Variants in MED30 observed in about 807,000 individuals in gnomAD.
The protein encoded by MED30 is mediator complex subunit 30, also known as mediator of RNA polymerase II transcription subunit 30.
MED30 carries 8 observed loss-of-function variants against 21.7 expected under a neutral mutation model. That is an observed-to-expected ratio of 0.37 (90% CI 0.22 to 0.67). The LOEUF is 0.67. Among genes scored for constraint, MED30 ranks in the 30% least tolerant of loss-of-function variants. The pLI is 0.58. For synonymous variants in MED30, 79 were observed against 86.7 expected (o/e 0.91, Z 0.49); for missense variants, 203 against 228.2 (o/e 0.89, Z 0.71).
At position 117,524,937 on chromosome 8, in the gene MED30, G is replaced by A. The variant is rs571058558; in HGVS notation, c.178-3714G>A. 8.9e-4 allele frequency among the ~76,000 whole-genome samples: 136 copies of A among 152,074 alleles called. 1 individual carries two copies. Among genetic ancestry groups the A allele is most frequent in the South Asian group, 6.6e-3 (32 of 4,820 alleles). The stretch of plus-strand genomic sequence containing the variant: ...AAAATACTCCCTTATCCTTTTTATA[G>A]TGTATAGTTTACACTGCATGGAAAT... On this transcript the variant is annotated intron_variant, in intron 1 of 3. Coordinates refer to ENST00000297347, the MANE Select transcript of MED30 (RefSeq NM_080651.4).
Position 117,521,134 on chromosome 8 carries a change from T to TGG in MED30, c.177+82_177+83dup, listed in dbSNP as rs1265092050. The TGG allele has an allele frequency of 1.9e-5, 26 of 1,376,876 alleles. No homozygotes were observed. In the East Asian group the frequency reaches 6.1e-4, roughly 32 times the overall value. The allele number at this position is 1,376,876 out of a possible 1,614,324, so 85.3% of individuals were successfully genotyped here. On this transcript the variant is annotated intron_variant, in intron 1 of 3. Coordinates refer to ENST00000297347, the MANE Select transcript of MED30 (RefSeq NM_080651.4). ...TGGTTTCCTCTTTACGTGGGGCCCG[T>TGG]GGATGTCATCGGGGCTGCCCTGGGC...
rs1818953960 is a variant in MED30, at chr8:117,540,085, AAAACT to A, written c.*111_*115del. Reference sequence around the variant, plus strand: ...TTTATCTGCTTTTATTTTAGTCACTAAAACTAAAGTTTTTATTTTTACATTGTGAT... The same window carrying A: ...TTTATCTGCTTTTATTTTAGTCACTAAAAGTTTTTATTTTTACATTGTGAT... On this transcript the variant is annotated 3_prime_UTR_variant, in exon 4 of 4. Transcript: ENST00000297347. The A allele has an allele frequency of 1.3e-5, 7 of 541,184 alleles. No individual in the cohort carries two copies. Among genetic ancestry groups the A allele is most frequent in the South Asian group, 1.3e-4 (4 of 31,412 alleles). The allele number at this position is 541,184 out of a possible 1,614,324, so 33.5% of individuals were successfully genotyped here. A position where few individuals can be genotyped will look rare whatever the true frequency, so the allele number is the denominator to read the frequency against.
At chr8:117,523,195 CT>C (rs202104794) in intron 1 of MED30, 177,915 of 566,450 alleles carry the variant, frequency 0.31, 13,372 homozygotes, top group Middle Eastern at 0.4. Flanking sequence ...TCAAAGCCAA[CT>C]TTTTTTTTTT....
intron 3 of MED30, among the ~76,000 whole-genome samples, chr8:117,534,245 T>C (rs927283148): frequency 1.3e-5 from 2 of 152,080 alleles, no homozygotes; most frequent in African/African-American, 4.8e-5. Context: ...TCTTTACTTT[T>C]CATCTGAAAA....
intron 3 of MED30, among the ~76,000 whole-genome samples, chr8:117,534,850 G>GTTTTTTTTTTTT (rs3040827): frequency 3.3e-5 from 4 of 121,042 alleles, no homozygotes; most frequent in Admixed American, 1.8e-4. Context: ...CAAACAAATT[G>GTTTTTTTTTTTT]TTTTTTTTTT....
intron 2 of MED30, 53 bp from the exon 3 acceptor site, chr8:117,530,670 T>C: frequency 1.6e-6 from 2 of 1,285,482 alleles, no homozygotes; most frequent in Non-Finnish European, 2.2e-6. Flanking sequence ...ATACAAGTGA[T>C]TAGAAAACTT....
chr8:117,530,814 C>T lies in MED30; in HGVS notation c.428C>T (p.Ala143Val), dbSNP rs1818783350. The change falls in exon 3 of 4, where the codon GCT becomes GTT. Residue 143 changes from alanine to valine, a missense_variant. Transcript: ENST00000297347. The stretch of plus-strand genomic sequence containing the variant: ...GCTAGTGAAGAGAGGCGAGAAATTG[C>T]TGAAGTAAATAAAGTGAGTTGTTAG... ...RFASEERREI[A>V]EVNKKLKQKN... 2 of 1,607,636 alleles carry T rather than the reference C, an allele frequency of 1.2e-6. No homozygotes were observed. The highest frequency in any genetic ancestry group is 1.7e-6 in the Non-Finnish European group (2 of 1,175,926).
At chr8:117,535,979 G>A (rs1473659586) in intron 3 of MED30, among the ~76,000 whole-genome samples, 1 of 151,794 alleles carries the variant, frequency 6.6e-6, no homozygotes, top group Non-Finnish European at 1.5e-5. Flanking sequence ...AATAATTTTT[G>A]TTTGCTTGCT....
Position 117,520,889 on chromosome 8 carries a change from C to CCGTTCG in MED30, c.17_18insCGCGTT (p.Pro5_Leu6insPheAla). 6.2e-7 allele frequency: 1 copy of CCGTTCG among 1,600,930 alleles called. No individual in the cohort carries two copies. Among genetic ancestry groups the CCGTTCG allele is most frequent in the East Asian group, 2.3e-5 (1 of 44,298 alleles). On this transcript the variant is annotated inframe_insertion, in exon 1 of 4. Transcript: ENST00000297347. Reference sequence around the variant, plus strand: ...CTGCAGCCGCGCCATGTCCACCCCTCCGTTGGCCGCGTCGGGGATGGCGCC... The same window carrying CCGTTCG: ...CTGCAGCCGCGCCATGTCCACCCCTCCGTTCGCGTTGGCCGCGTCGGGGATGGCGCC...
chr8:117,535,000 G>A (rs949761497), intron 3 of MED30, among the ~76,000 whole-genome samples: 2 of 151,810 alleles, frequency 1.3e-5, no homozygotes, highest in East Asian at 3.9e-4. Context: ...TGGATTTTAA[G>A]TAAAGGATAT....
intron 3 of MED30, among the ~76,000 whole-genome samples, chr8:117,534,896 T>TA (rs925796779): frequency 1.3e-5 from 2 of 149,534 alleles, no homozygotes; most frequent in African/African-American, 2.5e-5. Context: ...ATTCATTCCT[T>TA]AAAAAAATAT....
rs769459980 is a variant in MED30 at position 117,520,906 on chromosome 8, G to C, written c.30G>C (p.Gly10=). The change falls in exon 1 of 4, where the codon GGG becomes GGC. Residue 10 remains glycine, a synonymous_variant. Coordinates refer to ENST00000297347, the MANE Select transcript of MED30 (RefSeq NM_080651.4). Reference sequence around the variant, plus strand: ...CCACCCCTCCGTTGGCCGCGTCGGGGATGGCGCCCGGGCCCTTCGCCGGGC... The same window carrying C: ...CCACCCCTCCGTTGGCCGCGTCGGGCATGGCGCCCGGGCCCTTCGCCGGGC... MSTPPLAAS[G]MAPGPFAGPQ... is the part of the protein sequence containing the mutation. 3 of 1,607,684 alleles carry C rather than the reference G, an allele frequency of 1.9e-6. No homozygotes were observed. Among genetic ancestry groups the C allele is most frequent in the Admixed American group, 1.7e-5 (1 of 59,434 alleles).
chr8:117,535,707 G>A (rs1427804667), intron 3 of MED30, among the ~76,000 whole-genome samples: 1 of 151,944 alleles, frequency 6.6e-6, no homozygotes, highest in African/African-American at 2.4e-5. Flanking sequence ...ATAAACTTAA[G>A]TTTTTGTCTC....
At chr8:117,537,443 G>A (rs1818898174) in intron 3 of MED30, among the ~76,000 whole-genome samples, 1 of 152,078 alleles carries the variant, frequency 6.6e-6, no homozygotes, top group Admixed American at 6.5e-5. Context: ...TCATTTTCAT[G>A]ACATGTTTTG....
At chr8:117,538,990 A>C (rs6987009) in intron 3 of MED30, among the ~76,000 whole-genome samples, 2,493 of 152,278 alleles carry the variant, frequency 0.016, 74 homozygotes, top group African/African-American at 0.053. Flanking sequence ...TATATTTTCT[A>C]TATCGACAGT....
intron 3 of MED30, among the ~76,000 whole-genome samples, chr8:117,539,649 G>C (rs1178228841): frequency 1.3e-5 from 2 of 152,176 alleles, no homozygotes; most frequent in African/African-American, 4.8e-5. Context: ...AGAGTAAGCA[G>C]GGCCTGGGGC....
intron 3 of MED30, among the ~76,000 whole-genome samples, chr8:117,536,554 T>G (rs977077927): frequency 6.6e-6 from 1 of 152,224 alleles, no homozygotes; most frequent in South Asian, 2.1e-4. Flanking sequence ...GTTTACTATT[T>G]AGTCGTTATG....
At chr8:117,527,516 C>T (rs1163723850) in intron 1 of MED30, among the ~76,000 whole-genome samples, 9 of 151,840 alleles carry the variant, frequency 5.9e-5, no homozygotes, top group Non-Finnish European at 1.2e-4. Context: ...TTATCTTACA[C>T]ATCTTTTATC....
At chr8:117,523,232 T>G in intron 1 of MED30, 1 of 953,820 alleles carries the variant, frequency 1.0e-6, no homozygotes, top group Non-Finnish European at 1.6e-6. Context: ...TGTCTGTAAG[T>G]TTATTCAATG....
Sources: allele counts gnomAD v4.1 joint callset (sites outside exome capture counted in the v4.1 genomes callset), GRCh38; gene constraint gnomAD v4.1.1; transcripts MANE v1.5; gene names NCBI Gene and HGNC (gene_info 2026-07-23, HGNC 2026-07-21).